Variants in MTSS1 observed in about 807,000 individuals in gnomAD.
The protein encoded by MTSS1 is MTSS I-BAR domain containing 1.
Under a neutral mutation model 79.0 loss-of-function variants are expected in MTSS1, and 18 were observed. That is an observed-to-expected ratio of 0.23 (90% CI 0.16 to 0.34). The LOEUF is 0.34. MTSS1 is among the 10% of genes least tolerant of loss of function. MTSS1 has a pLI of 1.00. For synonymous variants in MTSS1, 341 were observed against 368.6 expected (o/e 0.93, Z 0.86); for missense variants, 815 against 986.2 (o/e 0.83, Z 2.33).
At chr8:124,564,310 TC>T (rs1419910349) in intron 9 of MTSS1, among the ~76,000 whole-genome samples, 4 of 152,030 alleles carry the variant, frequency 2.6e-5, no homozygotes, top group Non-Finnish European at 5.9e-5. Flanking sequence ...TGGTTTCTGC[TC>T]CTAAGCCTGC....
chr8:124,712,197 A>T (rs1001807048), intron 1 of MTSS1, among the ~76,000 whole-genome samples: 1 of 152,074 alleles, frequency 6.6e-6, no homozygotes, highest in South Asian at 2.1e-4. Context: ...AGTAGAGTCA[A>T]TCTGGGAGGG....
At chr8:124,565,889 A>C (rs964834794) in intron 8 of MTSS1, 130 bp from the exon 9 acceptor site, 1 of 653,528 alleles carries the variant, frequency 1.5e-6, no homozygotes, top group Non-Finnish European at 2.5e-6. Flanking sequence ...AACATGTTAA[A>C]AAAATTTTTT....
At position 124,554,177 on chromosome 8, in the gene MTSS1, GAC is replaced by G. The variant is rs1473438588; in HGVS notation, c.1568-487_1568-486del. ...TGAGTCCCTGACAATAAGGGACAAA[GAC>G]AGTTTCCATCAGTGTCATGTGCTCA... is the stretch of plus-strand genomic sequence containing the variant. On this transcript the variant is annotated intron_variant, in intron 13 of 13. Transcript: ENST00000518547. Among the ~76,000 whole-genome samples, 3 of 152,224 alleles carry G rather than the reference GAC, an allele frequency of 2.0e-5. 1 individual carries two copies. Among genetic ancestry groups the G allele is most frequent in the Non-Finnish European group, 2.9e-5 (2 of 68,046 alleles).
At chr8:124,605,955 G>C (rs1332511293) in intron 3 of MTSS1, among the ~76,000 whole-genome samples, 4 of 145,342 alleles carry the variant, frequency 2.8e-5, no homozygotes, top group African/African-American at 1.0e-4. Context: ...TTATAAAGTA[G>C]GTATCTCATT....
At chr8:124,601,712 C>G (rs567053984) in intron 3 of MTSS1, among the ~76,000 whole-genome samples, 1 of 152,144 alleles carries the variant, frequency 6.6e-6, no homozygotes, top group East Asian at 1.9e-4. Flanking sequence ...CTGGCTGGAC[C>G]GAGCAGGGCA....
intron 3 of MTSS1, among the ~76,000 whole-genome samples, chr8:124,633,491 C>T (rs146465392): frequency 8.5e-5 from 13 of 152,198 alleles, no homozygotes; most frequent in Middle Eastern, 3.4e-3. Flanking sequence ...TATCATAGGC[C>T]GGGCACAGTG....
At chr8:124,584,840 T>C (rs999042077) in intron 6 of MTSS1, among the ~76,000 whole-genome samples, 13 of 152,208 alleles carry the variant, frequency 8.5e-5, no homozygotes, top group African/African-American at 2.9e-4. Context: ...ACAATAGGCA[T>C]GGAAACTGTC....
At chr8:124,725,235 C>T (rs1389898994) in intron 1 of MTSS1, among the ~76,000 whole-genome samples, 1 of 152,168 alleles carries the variant, frequency 6.6e-6, no homozygotes, top group Non-Finnish European at 1.5e-5. Context: ...GACAGCCAGC[C>T]GAGGACTTAG....
chr8:124,584,604 A>G (rs1830540355), intron 6 of MTSS1, among the ~76,000 whole-genome samples: 1 of 152,180 alleles, frequency 6.6e-6, no homozygotes, highest in Non-Finnish European at 1.5e-5. Flanking sequence ...CTCCTCCCTC[A>G]TGAACACCAT....
intron 2 of MTSS1, among the ~76,000 whole-genome samples, chr8:124,702,574 C>A (rs987054600): frequency 6.6e-6 from 1 of 152,190 alleles, no homozygotes; most frequent in Non-Finnish European, 1.5e-5. Context: ...TTCCCAAGTT[C>A]TTTAGTCTAT....
intron 3 of MTSS1, among the ~76,000 whole-genome samples, chr8:124,684,761 T>C (rs1422190073): frequency 6.6e-6 from 1 of 152,178 alleles, no homozygotes; most frequent in Non-Finnish European, 1.5e-5. Context: ...ATGGAGATGC[T>C]GGTAGATAAG....
chr8:124,580,542 T>C (rs1243196453), intron 6 of MTSS1: 1 of 1,535,890 alleles, frequency 6.5e-7, no homozygotes, highest in African/African-American at 1.4e-5. Context: ...TTTGGGATGG[T>C]AGACTTACCA....
chr8:124,616,881 T>A (rs1836979039), intron 3 of MTSS1, among the ~76,000 whole-genome samples: 1 of 152,226 alleles, frequency 6.6e-6, no homozygotes, highest in African/African-American at 2.4e-5. Flanking sequence ...CATTTCAAAT[T>A]TGAACCTTTC....
intron 3 of MTSS1, among the ~76,000 whole-genome samples, chr8:124,682,646 G>A (rs1217590238): frequency 1.3e-5 from 2 of 152,320 alleles, no homozygotes; most frequent in Middle Eastern, 3.4e-3. Context: ...AGTCAGCAAG[G>A]GGAGACCAGG....
chr8:124,640,805 G>A (rs1417320374), intron 3 of MTSS1, among the ~76,000 whole-genome samples: 1 of 152,098 alleles, frequency 6.6e-6, no homozygotes, highest in Non-Finnish European at 1.5e-5. Flanking sequence ...GCCTCCCAAA[G>A]TCCTGAGATA....
chr8:124,588,945 A>G (rs1232472497), intron 5 of MTSS1, among the ~76,000 whole-genome samples: 1 of 149,968 alleles, frequency 6.7e-6, no homozygotes, highest in Non-Finnish European at 1.5e-5. Context: ...AGACTCCTGG[A>G]CTCAAGTGAT....
chr8:124,640,421 C>T (rs1817812892), intron 3 of MTSS1, among the ~76,000 whole-genome samples: 1 of 152,212 alleles, frequency 6.6e-6, no homozygotes, highest in Admixed American at 6.5e-5. Context: ...GATCTGCTGA[C>T]TAGAGTTCTG....
At position 124,627,021 on chromosome 8, in the gene MTSS1, C is replaced by T. The variant is rs117414113; in HGVS notation, c.209-35786G>A. Among the ~76,000 whole-genome samples the T allele has an allele frequency of 3.9e-3, 592 of 152,216 alleles. 1 individual carries two copies. The highest frequency in any genetic ancestry group is 6.8e-3 in the Middle Eastern group (2 of 294). On this transcript the variant is annotated intron_variant, in intron 3 of 13. Coordinates refer to ENST00000518547, the MANE Select transcript of MTSS1 (RefSeq NM_014751.6). ...TGTCACGCAACATTGCTTCATTCCT[C>T]GAGTCCTGTGCACATTCCCATTTAG...
At chr8:124,598,936 G>C (rs903238997) in intron 3 of MTSS1, among the ~76,000 whole-genome samples, 1 of 152,216 alleles carries the variant, frequency 6.6e-6, no homozygotes, top group Non-Finnish European at 1.5e-5. Flanking sequence ...AGAATGGGTG[G>C]TGGATAAGAA....
Sources: gnomAD v4.1 joint callset for allele counts (sites outside exome capture counted in the v4.1 genomes callset) on GRCh38, gnomAD v4.1.1 for gene constraint, MANE v1.5 for transcripts, NCBI Gene and HGNC (gene_info 2026-07-23, HGNC 2026-07-21) for gene names.